Variants in AFG1L observed in about 807,000 individuals in gnomAD.
The protein encoded by AFG1L is AFG1-like ATPase.
Under a neutral mutation model 62.2 loss-of-function variants are expected in AFG1L, and 53 were observed. The ratio of observed to expected loss-of-function variants is 0.85; its 90% CI spans 0.68 to 1.07. AFG1L has a LOEUF of 1.07. AFG1L is among the 50% of genes least tolerant of loss of function. The probability of loss-of-function intolerance (pLI) is 0.00; values close to 1 mark genes in which losing one functional copy is unlikely to be tolerated. For missense variants in AFG1L, 555 were observed against 590.5 expected, an observed-to-expected ratio of 0.94 and a Z score of 0.62; for synonymous variants, 228 against 210.3, an observed-to-expected ratio of 1.08 and a Z score of -0.73.
chr6:108,334,317 T>A (rs957992889), intron 2 of AFG1L, among the ~76,000 whole-genome samples: 1 of 152,064 alleles, frequency 6.6e-6, no homozygotes, highest in Non-Finnish European at 1.5e-5. Context: ...GTTAATTGAT[T>A]TTTTTTTCAT....
At chr6:108,303,753 G>A (rs558070856) in intron 1 of AFG1L, among the ~76,000 whole-genome samples, 3 of 152,148 alleles carry the variant, frequency 2.0e-5, no homozygotes, top group South Asian at 2.1e-4. Flanking sequence ...TGCAACTCCT[G>A]TAGATTCCAT....
chr6:108,431,206 C>T (rs977226758), intron 7 of AFG1L, among the ~76,000 whole-genome samples: 7 of 151,512 alleles, frequency 4.6e-5, no homozygotes, highest in Admixed American at 2.0e-4. Flanking sequence ...CAGGTTCAAG[C>T]GCTTCTTCTG....
At chr6:108,424,889 C>T (rs1770745899) in intron 7 of AFG1L, among the ~76,000 whole-genome samples, 1 of 151,958 alleles carries the variant, frequency 6.6e-6, no homozygotes, top group Non-Finnish European at 1.5e-5. Context: ...CTTTTGTTTT[C>T]TTTATATAAA....
chr6:108,513,793 C>A (rs1774763739), intron 11 of AFG1L, among the ~76,000 whole-genome samples: 1 of 152,230 alleles, frequency 6.6e-6, no homozygotes, highest in Non-Finnish European at 1.5e-5. Flanking sequence ...AGCTTGAGAT[C>A]TGAGAACGGA....
intron 2 of AFG1L, among the ~76,000 whole-genome samples, chr6:108,343,441 C>T (rs1386588999): frequency 1.3e-5 from 2 of 152,162 alleles, no homozygotes; most frequent in Admixed American, 1.3e-4. Flanking sequence ...TTCATTTATT[C>T]AGCCTATCTT....
intron 1 of AFG1L, among the ~76,000 whole-genome samples, chr6:108,303,104 G>A (rs1349536430): frequency 6.6e-6 from 1 of 152,112 alleles, no homozygotes; most frequent in Non-Finnish European, 1.5e-5. Flanking sequence ...GTAGAGATGG[G>A]TTTTGCCACG....
At chr6:108,363,476 T>C (rs2114488143) in intron 5 of AFG1L, among the ~76,000 whole-genome samples, 1 of 152,276 alleles carries the variant, frequency 6.6e-6, no homozygotes, top group African/African-American at 2.4e-5. Flanking sequence ...TTTTTTTGTT[T>C]GTTTTTTGTT....
chr6:108,427,484 A>G (rs1271345410), intron 7 of AFG1L, among the ~76,000 whole-genome samples: 1 of 151,156 alleles, frequency 6.6e-6, no homozygotes, highest in Non-Finnish European at 1.5e-5. Flanking sequence ...CATACGAGCC[A>G]ATATTTCTGT....
intron 1 of AFG1L, among the ~76,000 whole-genome samples, chr6:108,321,369 ACCAAC>A (rs1347386773): frequency 2.6e-5 from 4 of 152,192 alleles, no homozygotes; most frequent in African/African-American, 9.6e-5. Flanking sequence ...AGATGTGTTC[ACCAAC>A]CCAGAAGTTC....
intron 11 of AFG1L, 23 bp from the exon 12 acceptor site, chr6:108,519,674 T>C (rs1775045748): frequency 8.0e-7 from 1 of 1,254,846 alleles, no homozygotes; most frequent in African/African-American, 1.5e-5. Flanking sequence ...AGTAACACAT[T>C]TACCCATTTT....
At chr6:108,355,850 AT>A in intron 4 of AFG1L, 95 bp downstream of exon 4, 1 of 858,578 alleles carries the variant, frequency 1.2e-6, no homozygotes, top group Non-Finnish European at 1.9e-6. Flanking sequence ...TAAAAATTAG[AT>A]TTTTGCTTGC....
intron 5 of AFG1L, 49 bp from the exon 6 acceptor site, chr6:108,366,183 GT>G (rs763644505): frequency 1.6e-5 from 18 of 1,159,098 alleles, no homozygotes; most frequent in Non-Finnish European, 2.1e-5. Flanking sequence ...TAGCAAATTT[GT>G]TACAGCAGAA....
chr6:108,373,978 C>T (rs1780131705), intron 6 of AFG1L, among the ~76,000 whole-genome samples: 1 of 152,200 alleles, frequency 6.6e-6, no homozygotes, highest in South Asian at 2.1e-4. Flanking sequence ...ATTCCCTTTT[C>T]TCCACAGCCT....
intron 7 of AFG1L, among the ~76,000 whole-genome samples, chr6:108,435,862 A>G (rs1298581266): frequency 2.0e-5 from 3 of 152,180 alleles, no homozygotes; most frequent in Admixed American, 1.3e-4. Context: ...CTAACATACT[A>G]ACTTGCACTA....
intron 10 of AFG1L, among the ~76,000 whole-genome samples, chr6:108,491,416 C>T (rs1214301212): frequency 2.0e-5 from 3 of 151,938 alleles, no homozygotes; most frequent in African/African-American, 7.3e-5. Flanking sequence ...TTCCTGCTGC[C>T]GACATATGCT....
chr6:108,303,327 G>A (rs920214816), intron 1 of AFG1L, among the ~76,000 whole-genome samples: 2 of 152,114 alleles, frequency 1.3e-5, no homozygotes, highest in African/African-American at 2.4e-5. Context: ...GATTACAGGC[G>A]TGAGCCAACA....
intron 8 of AFG1L, among the ~76,000 whole-genome samples, chr6:108,468,048 C>T (rs1772740182): frequency 6.6e-6 from 1 of 152,206 alleles, no homozygotes; most frequent in Middle Eastern, 3.2e-3. Context: ...TCCCTTCTCC[C>T]AAGTGTCAGC....
At chr6:108,317,475 T>C (rs1777650546) in intron 1 of AFG1L, among the ~76,000 whole-genome samples, 1 of 152,044 alleles carries the variant, frequency 6.6e-6, no homozygotes, top group Non-Finnish European at 1.5e-5. Flanking sequence ...CCAGGTGGGG[T>C]CAGTCTGAAA....
At chr6:108,350,652 C>T (rs1439298888) in intron 3 of AFG1L, among the ~76,000 whole-genome samples, 1 of 152,220 alleles carries the variant, frequency 6.6e-6, no homozygotes, top group Non-Finnish European at 1.5e-5. Flanking sequence ...CATTCATACC[C>T]TACAGCTGGC....
Sources: gnomAD v4.1 joint callset for allele counts (sites outside exome capture counted in the v4.1 genomes callset) on GRCh38, gnomAD v4.1.1 for gene constraint, MANE v1.5 for transcripts, NCBI Gene and HGNC (gene_info 2026-07-23, HGNC 2026-07-21) for gene names.